The following FIBCD1 variants were observed in gnomAD, a reference collection of about 807,000 sequenced individuals.
FIBCD1 encodes the protein fibrinogen C domain containing 1, also known as fibrinogen C domain-containing protein 1.
FIBCD1 carries 47 observed loss-of-function variants against 45.1 expected under a neutral mutation model. The observed-to-expected ratio is 1.04, with a 90% CI of 0.82 to 1.33. The LOEUF (loss-of-function observed/expected upper bound fraction) is 1.33. FIBCD1 is among the 40% of genes most tolerant of loss of function. The pLI is 0.00. For synonymous variants in FIBCD1, 313 were observed against 308.1 expected, an observed-to-expected ratio of 1.02 and a Z score of -0.17; for missense variants, 653 against 682.2, an observed-to-expected ratio of 0.96 and a Z score of 0.48.
chr9:130,917,060 T>C (rs1023506352), intron 4 of FIBCD1, among the ~76,000 whole-genome samples: 6 of 152,188 alleles, frequency 3.9e-5, no homozygotes, highest in Non-Finnish European at 5.9e-5. Flanking sequence ...ATCACACCAC[T>C]GCACTCCAGC....
rs1428606538 is a variant in FIBCD1 at position 130,904,368 on chromosome 9, C to T, written c.1127-45G>A. 5.1e-6 allele frequency: 8 copies of T among 1,558,490 alleles called. No individual in the cohort carries two copies. The Admixed American group carries it at 8.8e-5, about 17-fold the overall frequency. On this transcript the variant is annotated intron_variant, in intron 6 of 6. Coordinates refer to ENST00000372338, the MANE Select transcript of FIBCD1 (RefSeq NM_032843.5). The stretch of plus-strand genomic sequence containing the variant: ...GGTGTGGGCACGGGGGGCACGGGTA[C>T]ACCCACTGGTGTTGCATGTGTGAGC...
intron 4 of FIBCD1, among the ~76,000 whole-genome samples, chr9:130,919,576 G>A (rs569945243): frequency 6.6e-6 from 1 of 152,332 alleles, no homozygotes; most frequent in East Asian, 1.9e-4. Context: ...CTCCTCTGAC[G>A]TTCTCCATGT....
intron 6 of FIBCD1, 37 bp from the exon 7 acceptor site, chr9:130,904,360 C>A: frequency 6.4e-7 from 1 of 1,565,068 alleles, no homozygotes; most frequent in Non-Finnish European, 8.7e-7. Context: ...GCACGGGGGG[C>A]ACGGGTACAC....
intron 1 of FIBCD1, among the ~76,000 whole-genome samples, chr9:130,931,700 C>A (rs1056580276): frequency 2.0e-5 from 3 of 152,194 alleles, no homozygotes; most frequent in Non-Finnish European, 4.4e-5. Context: ...GCATTACACA[C>A]AAGGGAAAAC....
At chr9:130,916,964 GGCA>G (rs750204373) in intron 4 of FIBCD1, among the ~76,000 whole-genome samples, 69 of 152,310 alleles carry the variant, frequency 4.5e-4, no homozygotes, top group Non-Finnish European at 8.4e-4. Context: ...TGGGTGTGGT[GGCA>G]GGCGCCTTTA....
At chr9:130,916,148 C>G (rs1261846357) in intron 4 of FIBCD1, among the ~76,000 whole-genome samples, 1 of 152,198 alleles carries the variant, frequency 6.6e-6, no homozygotes, top group East Asian at 1.9e-4. Flanking sequence ...CCAGGATGGT[C>G]TTGAACACCT....
intron 2 of FIBCD1, 127 bp from the exon 3 acceptor site, chr9:130,924,523 C>T (rs1348696240): frequency 2.2e-5 from 19 of 882,792 alleles, no homozygotes; most frequent in South Asian, 1.7e-4. Context: ...CTCAAGGCCC[C>T]GCCCTGCCCT....
At chr9:130,916,985 C>G (rs943762346) in intron 4 of FIBCD1, among the ~76,000 whole-genome samples, 1 of 152,206 alleles carries the variant, frequency 6.6e-6, no homozygotes, top group Non-Finnish European at 1.5e-5. Flanking sequence ...TTAATCCCAG[C>G]TACTCGGGAG....
chr9:130,939,210 TCA>T lies in FIBCD1; in HGVS notation c.-605_-604del, dbSNP rs931239279. 7.2e-5 allele frequency: 11 copies of T among 151,756 alleles called. No homozygotes were observed. Among genetic ancestry groups the T allele is most frequent in the African/African-American group, 2.7e-4 (11 of 41,312 alleles). 9.4% of individuals were successfully genotyped at this position (151,756 alleles called of 1,614,324 possible). On this transcript the variant is annotated 5_prime_UTR_variant, in exon 1 of 7. An upstream open reading frame in the 5' UTR loses its in-frame stop. Coordinates refer to ENST00000372338, the MANE Select transcript of FIBCD1 (RefSeq NM_032843.5). ...GCACAAACTTCCTCCCGGACCGGAC[TCA>T]CACAAGTCACCATGCGCGGGGCGGG...
intron 6 of FIBCD1, among the ~76,000 whole-genome samples, 180 bp from the exon 7 acceptor site, chr9:130,904,503 G>C (rs535920144): frequency 6.6e-6 from 1 of 152,182 alleles, no homozygotes; most frequent in East Asian, 1.9e-4. Flanking sequence ...CTCCACACCC[G>C]GGTGTGTCCA....
intron 1 of FIBCD1, among the ~76,000 whole-genome samples, chr9:130,933,469 G>A (rs549441501): frequency 6.6e-6 from 1 of 152,272 alleles, no homozygotes; most frequent in East Asian, 1.9e-4. Flanking sequence ...CGGGAGCCCT[G>A]GGTTCAAAGC....
intron 5 of FIBCD1, among the ~76,000 whole-genome samples, chr9:130,909,284 C>G (rs933634638): frequency 6.8e-6 from 1 of 147,002 alleles, no homozygotes; most frequent in African/African-American, 2.5e-5. Context: ...TCGCCCCCAA[C>G]CCCCACAGCT....
intron 4 of FIBCD1, among the ~76,000 whole-genome samples, chr9:130,919,926 C>T (rs1221088811): frequency 2.7e-5 from 4 of 145,736 alleles, no homozygotes; most frequent in Non-Finnish European, 6.1e-5. Flanking sequence ...GGGGGCAGCA[C>T]TGCCCCCGGC....
Position 130,911,895 on chromosome 9 carries a change from AG to A in FIBCD1, c.850-8del. 6.4e-7 allele frequency: 1 copy of A among 1,567,046 alleles called. No homozygotes were observed. The highest frequency in any genetic ancestry group is 1.2e-5 in the South Asian group (1 of 85,248). On this transcript the variant is annotated splice_region_variant and splice_polypyrimidine_tract_variant and intron_variant, in intron 4 of 6. Coordinates refer to ENST00000372338, the MANE Select transcript of FIBCD1 (RefSeq NM_032843.5). The stretch of plus-strand genomic sequence containing the variant: ...CCTCCCGGCGCTGAAACACCTGCAA[AG>A]GGAAGATGGGGATGGGGCGTTGGCA...
intron 5 of FIBCD1, among the ~76,000 whole-genome samples, chr9:130,908,883 G>A (rs1831983295): frequency 6.6e-6 from 1 of 152,072 alleles, no homozygotes; most frequent in Admixed American, 6.5e-5. Flanking sequence ...GGCAGATCTT[G>A]CCCAGGGGCC....
chr9:130,934,926 C>T (rs1310628625), intron 1 of FIBCD1, among the ~76,000 whole-genome samples: 1 of 152,134 alleles, frequency 6.6e-6, no homozygotes, highest in Non-Finnish European at 1.5e-5. Context: ...GTGACCTCAA[C>T]CCAAACCCCA....
At position 130,929,599 on chromosome 9, in the gene FIBCD1, C is replaced by T. The variant is rs138531141; in HGVS notation, c.520G>A (p.Ala174Thr). 2.7e-4 allele frequency: 407 copies of T among 1,520,714 alleles called. No homozygotes were observed. In the African/African-American group the frequency reaches 3.4e-3, roughly 13 times the overall value. 94.2% of individuals were successfully genotyped at this position (1,520,714 alleles called of 1,614,324 possible). Residue 174 changes from alanine (A) to threonine (T), a missense_variant, in exon 2 of 7, where the codon GCC (alanine) becomes ACC (threonine). Ala to Thr is a moderately conservative substitution (Grantham distance 58). Coordinates refer to ENST00000372338, the MANE Select transcript of FIBCD1 (RefSeq NM_032843.5). The stretch of plus-strand genomic sequence containing the variant: ...AGGCGGCCCTGCTCACTCTGCAGGG[C>T]GCTGAGGCCCTGGCCCAGCGTGCCA... ...GHGTLGQGLS[A>T]LQSEQGRLIQ...
intron 1 of FIBCD1, 105 bp downstream of exon 1, chr9:130,938,431 G>T: frequency 2.0e-6 from 2 of 980,640 alleles, no homozygotes; most frequent in Non-Finnish European, 2.8e-6. Flanking sequence ...CCTCGAAGGG[G>T]TGCGCCCCAA....
At chr9:130,933,716 C>T (rs1313547330) in intron 1 of FIBCD1, 2 of 5,550 alleles carry the variant, frequency 3.6e-4, no homozygotes, top group Admixed American at 2.6e-3. Context: ...TCTGGGGAAG[C>T]GGCGGGCGGG....
Sources: allele counts gnomAD v4.1 joint callset (sites outside exome capture counted in the v4.1 genomes callset), GRCh38; gene constraint gnomAD v4.1.1; transcripts MANE v1.5; gene names NCBI Gene and HGNC (gene_info 2026-07-23, HGNC 2026-07-21).